The following ABTB3 variants were observed in gnomAD, a reference collection of about 807,000 sequenced individuals.
The protein encoded by ABTB3 is ankyrin repeat- and BTB/POZ domain-containing protein 3.
chr12:107,502,504 C>A, the ABTB3 span, among the ~76,000 whole-genome samples: 2 of 152,184 alleles, frequency 1.3e-5, no homozygotes, highest in South Asian at 2.1e-4. Flanking sequence ...TGATTTGTGA[C>A]CCTCAAAACG....
chr12:107,580,709 C>T, the ABTB3 span: 2 of 957,544 alleles, frequency 2.1e-6, no homozygotes, highest in Non-Finnish European at 1.5e-6. Flanking sequence ...TGCTAGCGGA[C>T]ACCTTAGGCT....
At chr12:107,403,728 G>A in the ABTB3 span, among the ~76,000 whole-genome samples, 9 of 152,128 alleles carry the variant, frequency 5.9e-5, no homozygotes, top group South Asian at 4.1e-4. Flanking sequence ...GCTGAAAGTC[G>A]CAGATCCCAG....
the ABTB3 span, among the ~76,000 whole-genome samples, chr12:107,527,114 C>T: frequency 2.0e-5 from 3 of 152,052 alleles, no homozygotes; most frequent in Non-Finnish European, 4.4e-5. Context: ...TCCATGACTG[C>T]CCCACCCACC....
chr12:107,646,048 G>A, the ABTB3 span, among the ~76,000 whole-genome samples: 1 of 152,204 alleles, frequency 6.6e-6, no homozygotes, highest in Admixed American at 6.5e-5. Context: ...AGCCTGCTTC[G>A]GGTCTCCTCC....
the ABTB3 span, among the ~76,000 whole-genome samples, chr12:107,394,146 T>A: frequency 2.0e-5 from 3 of 152,188 alleles, no homozygotes; most frequent in East Asian, 3.9e-4. Context: ...CCCAAACAGG[T>A]TTCCCCAGGT....
At chr12:107,630,974 G>T in the ABTB3 span, among the ~76,000 whole-genome samples, 490 of 152,218 alleles carry the variant, frequency 3.2e-3, 2 homozygotes, top group Admixed American at 5.5e-3. Flanking sequence ...GATTCACAGG[G>T]TTTATGTGTG....
At chr12:107,521,387 A>T in the ABTB3 span, among the ~76,000 whole-genome samples, 1 of 151,908 alleles carries the variant, frequency 6.6e-6, no homozygotes, top group Admixed American at 6.6e-5. Context: ...GCATTTGTGC[A>T]TGGAAATCTT....
chr12:107,517,996 C>A, the ABTB3 span, among the ~76,000 whole-genome samples: 3 of 151,864 alleles, frequency 2.0e-5, no homozygotes, highest in Non-Finnish European at 4.4e-5. Context: ...TTTATGCAGC[C>A]GACACATGAA....
chr12:107,404,262 T>C, the ABTB3 span, among the ~76,000 whole-genome samples: 1 of 150,972 alleles, frequency 6.6e-6, no homozygotes, highest in East Asian at 1.9e-4. Flanking sequence ...TTAGAACTTA[T>C]GAAGAAAACA....
the ABTB3 span, among the ~76,000 whole-genome samples, chr12:107,450,278 G>C: frequency 6.6e-6 from 1 of 152,084 alleles, no homozygotes; most frequent in Non-Finnish European, 1.5e-5. Context: ...GTAGGGGCAA[G>C]GGAAAGCTTC....
At chr12:107,509,986 C>G in the ABTB3 span, among the ~76,000 whole-genome samples, 2 of 152,166 alleles carry the variant, frequency 1.3e-5, no homozygotes, top group Non-Finnish European at 1.5e-5. Context: ...GTCTATTATC[C>G]CATTATAGCC....
the ABTB3 span, among the ~76,000 whole-genome samples, chr12:107,447,091 C>T: frequency 6.6e-6 from 1 of 152,176 alleles, no homozygotes; most frequent in Non-Finnish European, 1.5e-5. Context: ...AGTGCAGTTC[C>T]AGGCATCTGC....
the ABTB3 span, chr12:107,609,997 T>C: frequency 2.2e-5 from 14 of 635,708 alleles, no homozygotes; most frequent in Non-Finnish European, 3.8e-5. Flanking sequence ...CACAGGAGAC[T>C]AGACAGATTC....
At chr12:107,567,649 C>T in the ABTB3 span, among the ~76,000 whole-genome samples, 2 of 152,114 alleles carry the variant, frequency 1.3e-5, no homozygotes, top group Admixed American at 6.5e-5. Context: ...GGAACCAGGC[C>T]GCACAGCAAG....
chr12:107,482,981 T>TTTCTTTCTTTCTTTCTTTCC, the ABTB3 span, among the ~76,000 whole-genome samples: 1 of 33,676 alleles, frequency 3.0e-5, no homozygotes, highest in South Asian at 1.1e-3. Flanking sequence ...TCTTTCTTTC[T>TTTCTTTCTTTCTTTCTTTCC]TTCTTTCCTT....
At chr12:107,538,158 G>C in the ABTB3 span, among the ~76,000 whole-genome samples, 2 of 152,120 alleles carry the variant, frequency 1.3e-5, no homozygotes, top group African/African-American at 4.8e-5. Flanking sequence ...GAAGCAGCTT[G>C]GGATCTCCGG....
the ABTB3 span, among the ~76,000 whole-genome samples, chr12:107,648,380 C>CCACACACACACA: frequency 0.011 from 1,483 of 140,184 alleles, 13 homozygotes; most frequent in East Asian, 0.027. Context: ...GACCCCATCT[C>CCACACACACACA]CACACACACA....
At chr12:107,404,987 CA>C in the ABTB3 span, among the ~76,000 whole-genome samples, 2 of 152,334 alleles carry the variant, frequency 1.3e-5, no homozygotes, top group East Asian at 3.9e-4. Context: ...AGAGGCCTCA[CA>C]TCGGTGTGAG....
the ABTB3 span, among the ~76,000 whole-genome samples, chr12:107,442,052 G>T: frequency 2.0e-5 from 3 of 152,270 alleles, no homozygotes; most frequent in South Asian, 2.1e-4. Flanking sequence ...AGTAAGTCTG[G>T]CACGCAGCCC....
Sources: gnomAD v4.1 joint callset for allele counts (sites outside exome capture counted in the v4.1 genomes callset) on GRCh38, gnomAD v4.1.1 for gene constraint, MANE v1.5 for transcripts, NCBI Gene and HGNC (gene_info 2026-07-23, HGNC 2026-07-21) for gene names.